The following ZNF106 variants were observed in gnomAD, a reference collection of about 807,000 sequenced individuals.
ZNF106 encodes zinc finger protein 106.
In ZNF106, 67 loss-of-function variants were observed where a neutral mutation model predicts 195.1. That is an observed-to-expected ratio of 0.34 (90% CI 0.28 to 0.42). The LOEUF (loss-of-function observed/expected upper bound fraction) is 0.42, where lower values mean the gene tolerates loss of function less well. ZNF106 is among the 10% of genes least tolerant of loss of function. ZNF106 has a pLI of 1.00. For synonymous variants in ZNF106, 784 were observed against 818.6 expected, an observed-to-expected ratio of 0.96 and a Z score of 0.72; for missense variants, 2,118 against 2,304.5, an observed-to-expected ratio of 0.92 and a Z score of 1.66.
At chr15:42,427,206 A>C (rs1411464248) in intron 15 of ZNF106, among the ~76,000 whole-genome samples, 1 of 152,142 alleles carries the variant, frequency 6.6e-6, no homozygotes, top group African/African-American at 2.4e-5. Flanking sequence ...TCCACTACAA[A>C]ACCTCCTAAA....
chr15:42,430,192 C>T (rs2055001327), intron 14 of ZNF106, among the ~76,000 whole-genome samples: 1 of 152,070 alleles, frequency 6.6e-6, no homozygotes, highest in Admixed American at 6.5e-5. Context: ...CCAAAGACTA[C>T]ACGTTAGAAC....
At chr15:42,427,558 A>G (rs1244971465) in intron 15 of ZNF106, 1 of 155,738 alleles carries the variant, frequency 6.4e-6, no homozygotes, top group Non-Finnish European at 1.4e-5. Flanking sequence ...GTCATACTCA[A>G]CGGAATTTAA....
At chr15:42,431,599 G>C (rs1353182530) in intron 14 of ZNF106, among the ~76,000 whole-genome samples, 1 of 151,714 alleles carries the variant, frequency 6.6e-6, no homozygotes, top group African/African-American at 2.4e-5. Flanking sequence ...TATTTTTTGA[G>C]ACGGAGTTTA....
intron 1 of ZNF106, among the ~76,000 whole-genome samples, chr15:42,486,044 A>G (rs1431204180): frequency 7.0e-6 from 1 of 143,302 alleles, no homozygotes; most frequent in African/African-American, 2.6e-5. Flanking sequence ...TGCAACCTCC[A>G]CCTCCCGGGT....
chr15:42,486,303 G>T (rs960237472), intron 1 of ZNF106, among the ~76,000 whole-genome samples: 1 of 151,038 alleles, frequency 6.6e-6, no homozygotes, highest in Non-Finnish European at 1.5e-5. Context: ...TCTATCACCT[G>T]GGGTAGAGTG....
intron 6 of ZNF106, among the ~76,000 whole-genome samples, chr15:42,447,699 C>T (rs1035484875): frequency 6.6e-6 from 1 of 152,190 alleles, no homozygotes; most frequent in Non-Finnish European, 1.5e-5. Context: ...ATCATCCATG[C>T]CCTACAAGTG....
intron 6 of ZNF106, 129 bp from the exon 7 acceptor site, chr15:42,446,787 T>G: frequency 1.2e-6 from 1 of 806,636 alleles, no homozygotes; most frequent in East Asian, 2.9e-5. Context: ...AACATGATCG[T>G]AGAAGTCTCA....
intron 10 of ZNF106, 89 bp downstream of exon 10, chr15:42,441,979 AGTTTT>A: frequency 2.1e-6 from 2 of 935,544 alleles, no homozygotes; most frequent in South Asian, 1.9e-5. Context: ...TGCTCATTTT[AGTTTT>A]AATGAGCAAG....
chr15:42,424,717 C>T (rs1168446381), intron 16 of ZNF106, 117 bp downstream of exon 16: 12 of 1,034,576 alleles, frequency 1.2e-5, no homozygotes, highest in Non-Finnish European at 1.7e-5. Context: ...TGAGCTCAAG[C>T]GATCCCCCTG....
intron 14 of ZNF106, among the ~76,000 whole-genome samples, chr15:42,429,083 T>A (rs2054962802): frequency 1.3e-5 from 2 of 151,248 alleles, no homozygotes; most frequent in African/African-American, 4.9e-5. Flanking sequence ...TTCCTCCAAC[T>A]AGATTGTACT....
Position 42,449,952 on chromosome 15 carries a change from G to A in ZNF106, c.2320C>T (p.Leu774Phe). 1.9e-6 allele frequency: 3 copies of A among 1,614,166 alleles called. No homozygotes were observed. The highest frequency in any genetic ancestry group is 2.5e-6 in the Non-Finnish European group (3 of 1,180,024). ...KTGVHLPEPN[L>F]NSARRIRNIS... ...TTGCGAATGCGGCGGGCACTATTGA[G>A]GTTTGGCTCAGGAAGGTGTACTCCA... Residue 774 changes from leucine (L) to phenylalanine (F), a missense_variant, in exon 5 of 22, where the codon CTC (leucine) becomes TTC (phenylalanine). By Grantham distance (22) the Leu-to-Phe change is conservative. Coordinates refer to ENST00000564754, the MANE Select transcript of ZNF106 (RefSeq NM_001366845.3).
chr15:42,470,242 C>G (rs1454134045), intron 2 of ZNF106, among the ~76,000 whole-genome samples: 1 of 152,066 alleles, frequency 6.6e-6, no homozygotes, highest in African/African-American at 2.4e-5. Context: ...CAGCTTTTCC[C>G]CATACTCAAG....
At chr15:42,424,718 G>A (rs1470090132) in intron 16 of ZNF106, 116 bp downstream of exon 16, 4 of 1,041,380 alleles carry the variant, frequency 3.8e-6, no homozygotes, top group African/African-American at 1.6e-5. Flanking sequence ...GAGCTCAAGC[G>A]ATCCCCCTGC....
At chr15:42,446,841 G>A (rs1363376921) in intron 6 of ZNF106, among the ~76,000 whole-genome samples, 183 bp from the exon 7 acceptor site, 2 of 152,046 alleles carry the variant, frequency 1.3e-5, no homozygotes, top group East Asian at 3.8e-4. Context: ...AAACGTATCT[G>A]ATTTAAAAAA....
rs2055554221 is a variant in ZNF106 at position 42,442,054 on chromosome 15, C to T, written c.3763+19G>A. The T allele has an allele frequency of 6.3e-7, 1 of 1,585,018 alleles. No homozygotes were observed. Among genetic ancestry groups the T allele is most frequent in the Admixed American group, 1.8e-5 (1 of 56,526 alleles). On this transcript the variant is annotated intron_variant, in intron 10 of 21. Coordinates refer to ENST00000564754, the MANE Select transcript of ZNF106 (RefSeq NM_001366845.3). Reference sequence around the variant, plus strand: ...TCTCACTACTGGGATGCCCTTAACCCAGAGAAAAGCTTACATACTATTAGC... The same window carrying T: ...TCTCACTACTGGGATGCCCTTAACCTAGAGAAAAGCTTACATACTATTAGC...
chr15:42,457,898 ACT>A (rs2056284281), intron 3 of ZNF106, among the ~76,000 whole-genome samples: 1 of 152,190 alleles, frequency 6.6e-6, no homozygotes, highest in African/African-American at 2.4e-5. Context: ...AACTAGGCAG[ACT>A]TTTTTGCTTT....
chr15:42,487,490 CAA>C (rs961444853), intron 1 of ZNF106, among the ~76,000 whole-genome samples: 5 of 44,708 alleles, frequency 1.1e-4, no homozygotes, highest in Non-Finnish European at 1.6e-4. Context: ...GACCCTGTCT[CAA>C]AAAAAAAAAA....
rs145627435 is a variant in ZNF106, at chr15:42,457,778, T to C, written c.117-620A>G. 7.2e-4 allele frequency among the ~76,000 whole-genome samples: 110 copies of C among 152,324 alleles called. 1 individual carries two copies. Among genetic ancestry groups the C allele is most frequent in the African/African-American group, 2.6e-3 (106 of 41,568 alleles). ...TCAGAAGGGCTTATTTTAAAGGGAA[T>C]GGAAAGCATTTCAGTTGTAGGAAGT... On this transcript the variant is annotated intron_variant, in intron 3 of 21. Transcript: ENST00000564754.
chr15:42,434,680 T>C (rs2055205046), intron 14 of ZNF106, among the ~76,000 whole-genome samples: 1 of 152,178 alleles, frequency 6.6e-6, no homozygotes, highest in Non-Finnish European at 1.5e-5. Flanking sequence ...AATTTTCTCA[T>C]GTCTTTCAGT....
Sources: gnomAD v4.1 joint callset for allele counts (sites outside exome capture counted in the v4.1 genomes callset) on GRCh38, gnomAD v4.1.1 for gene constraint, MANE v1.5 for transcripts, NCBI Gene and HGNC (gene_info 2026-07-23, HGNC 2026-07-21) for gene names.